The following CELF5 variants were observed in gnomAD, a reference collection of about 807,000 sequenced individuals.
The protein encoded by CELF5 is CUG-BP and ETR-3 like factor 5.
Under a neutral mutation model 54.9 loss-of-function variants are expected in CELF5, and 6 were observed. The ratio of observed to expected loss-of-function variants is 0.11; its 90% CI spans 0.06 to 0.22. The LOEUF (loss-of-function observed/expected upper bound fraction) is 0.22, where lower values mean the gene tolerates loss of function less well. CELF5 is among the 10% of genes least tolerant of loss of function. The pLI is 1.00. For missense variants in CELF5, 401 were observed against 678.6 expected, an observed-to-expected ratio of 0.59 and a Z score of 4.54; for synonymous variants, 271 against 290.9, an observed-to-expected ratio of 0.93 and a Z score of 0.70.
intron 2 of CELF5, among the ~76,000 whole-genome samples, chr19:3,266,356 C>G (rs1395648718): frequency 2.0e-5 from 3 of 151,612 alleles, no homozygotes; most frequent in African/African-American, 7.3e-5. Context: ...AGTCGAGTCT[C>G]ACCTCCTACC....
In CELF5 at chr19:3,268,864, G is replaced by T. The variant is rs543000161; in HGVS notation, c.343-5008G>T. 2.6e-5 allele frequency among the ~76,000 whole-genome samples: 4 copies of T among 152,172 alleles called. No individual in the cohort carries two copies. The highest frequency in any genetic ancestry group is 2.0e-4 in the Admixed American group (3 of 15,278). On this transcript the variant is annotated intron_variant, in intron 2 of 12. Transcript: ENST00000292672. This position sits in a 1 kb window ranked among gnomAD's most constrained non-coding sequence, Gnocchi z 4.4. Reference sequence around the variant, plus strand: ...GTTTGAGGGGTAAGGATGGGGTGCAGCGGGGGGGCATTCTGTCACCAGCCA... The same window carrying T: ...GTTTGAGGGGTAAGGATGGGGTGCATCGGGGGGGCATTCTGTCACCAGCCA...
intron 10 of CELF5, among the ~76,000 whole-genome samples, chr19:3,290,012 G>A (rs905583050): frequency 6.6e-6 from 1 of 152,058 alleles, no homozygotes; most frequent in African/African-American, 2.4e-5. Flanking sequence ...ATTTTGGTGC[G>A]GAGTAGCCCC....
intron 2 of CELF5, among the ~76,000 whole-genome samples, chr19:3,272,566 G>A (rs111412725): frequency 2.6e-5 from 4 of 152,270 alleles, no homozygotes; most frequent in Admixed American, 6.5e-5. Flanking sequence ...CATTCCAGAC[G>A]CCTTTCTGTG....
At chr19:3,243,215 AT>A (rs2079516822) in intron 1 of CELF5, among the ~76,000 whole-genome samples, 1 of 150,148 alleles carries the variant, frequency 6.7e-6, no homozygotes, top group African/African-American at 2.5e-5. Context: ...GTATTTGTGT[AT>A]GTGTGTGTTT....
Position 3,272,779 on chromosome 19 carries a change from G to A in CELF5, c.343-1093G>A, listed in dbSNP as rs574852807. On this transcript the variant is annotated intron_variant, in intron 2 of 12. Transcript: ENST00000292672. ...AGAGTCCCTGCATGGGGGCTTTTAA[G>A]TTGGGTTTTGAAGGTTGAGTGGGAG... 7.9e-5 allele frequency among the ~76,000 whole-genome samples: 12 copies of A among 152,328 alleles called. No homozygotes were observed. In the South Asian group the frequency reaches 1.2e-3, roughly 16 times the overall value.
In CELF5 at chr19:3,224,802, C is replaced by T. The variant is rs1424929840; in HGVS notation, c.63C>T (p.Pro21=). ...RQQQQLLQPR[P]SPVGSSGPEP... ...AGCAGCAGCTCCTGCAGCCGCGGCC[C>T]TCGCCCGTGGGCAGCAGCGGGCCCG... Residue 21 remains proline, a synonymous_variant, in exon 1 of 13, where the codon CCC becomes CCT. Coordinates refer to ENST00000292672, the MANE Select transcript of CELF5 (RefSeq NM_021938.4). The T allele has an allele frequency of 6.5e-7, 1 of 1,532,852 alleles. No individual in the cohort carries two copies. The highest frequency in any genetic ancestry group is 1.4e-5 in the African/African-American group (1 of 70,832). The allele number at this position is 1,532,852 out of a possible 1,614,324, so 95.0% of individuals were successfully genotyped here.
Position 3,278,237 on chromosome 19 carries a change from C to A in CELF5, c.603+127C>A. 1 of 701,570 alleles carries A rather than the reference C, an allele frequency of 1.4e-6. No homozygotes were observed. The highest frequency in any genetic ancestry group is 1.7e-5 in the South Asian group (1 of 57,428). 43.5% of individuals were successfully genotyped at this position (701,570 alleles called of 1,614,324 possible). A position where few individuals can be genotyped will look rare whatever the true frequency, so the allele number is the denominator to read the frequency against. On this transcript the variant is annotated intron_variant, in intron 5 of 12. Transcript: ENST00000292672. The surrounding 1 kb of genome is among the most constrained non-coding windows in gnomAD (Gnocchi z 4.5). ...GCCCCTGGCTGTCCTTCAGAGGGGG[C>A]ACAGGTGGAGAAAGAGGCGCAGTCC...
intron 2 of CELF5, among the ~76,000 whole-genome samples, chr19:3,271,234 G>GCC (rs112062802): frequency 3.5e-4 from 49 of 139,020 alleles, no homozygotes; most frequent in African/African-American, 1.0e-3. Flanking sequence ...TCCTGCAGGT[G>GCC]CCCCCCCATC....
intron 10 of CELF5, among the ~76,000 whole-genome samples, chr19:3,287,293 C>G (rs1413431989): frequency 6.6e-6 from 1 of 150,960 alleles, no homozygotes; most frequent in Non-Finnish European, 1.5e-5. Context: ...ATCGAGGTGG[C>G]TCATGCCTGT....
rs2080100874 is a variant in CELF5, at chr19:3,278,824, A to T, written c.603+714A>T. Among the ~76,000 whole-genome samples the T allele has an allele frequency of 6.6e-6, 1 of 151,972 alleles. No homozygotes were observed. The highest frequency in any genetic ancestry group is 1.5e-5 in the Non-Finnish European group (1 of 67,970). Reference sequence around the variant, plus strand: ...GTGAGTGTGTATGTGTGTACATGTAAGGGTATCCTAAGGGGATGACACCTG... The same window carrying T: ...GTGAGTGTGTATGTGTGTACATGTATGGGTATCCTAAGGGGATGACACCTG... On this transcript the variant is annotated intron_variant, in intron 5 of 12. Transcript: ENST00000292672. This position sits in a 1 kb window ranked among gnomAD's most constrained non-coding sequence, Gnocchi z 4.5.
At chr19:3,288,653 G>C (rs2080292727) in intron 10 of CELF5, among the ~76,000 whole-genome samples, 1 of 152,150 alleles carries the variant, frequency 6.6e-6, no homozygotes, top group African/African-American at 2.4e-5. Context: ...TTCAAGACCA[G>C]CCTGGGCAAC....
rs183894279 is a variant in CELF5 at position 3,290,606 on chromosome 19, C to G, written c.1330+232C>G. On this transcript the variant is annotated intron_variant, in intron 11 of 12. Transcript: ENST00000292672. ...TGAGACAGAGTCTCGCTCTGTCGCC[C>G]AGGCTGGAGTGCAGTGGTGCAATCT... is the stretch of plus-strand genomic sequence containing the variant. Among the ~76,000 whole-genome samples, 325 of 148,904 alleles carry G rather than the reference C, an allele frequency of 2.2e-3. 3 individuals carry two copies. Among genetic ancestry groups the G allele is most frequent in the Non-Finnish European group, 2.4e-3 (162 of 67,410 alleles).
chr19:3,237,412 T>C (rs1017334280), intron 1 of CELF5, among the ~76,000 whole-genome samples: 1 of 151,932 alleles, frequency 6.6e-6, no homozygotes, highest in Non-Finnish European at 1.5e-5. Flanking sequence ...GGTTACTCCT[T>C]GACCATATGC....
At chr19:3,289,681 C>CA (rs35144942) in intron 10 of CELF5, among the ~76,000 whole-genome samples, 3,722 of 46,924 alleles carry the variant, frequency 0.079, 923 homozygotes, top group Non-Finnish European at 0.083. Context: ...GACTCCATCT[C>CA]AAAAAAAAAA....
rs1916785825 is a variant in CELF5 at position 3,224,695 on chromosome 19, C to CCCGCCGCCCGCCG, written c.-36_-24dup. On this transcript the variant is annotated 5_prime_UTR_variant, in exon 1 of 13. Transcript: ENST00000292672. ...GGCCGCCGCTCCAGCTGCGAGTCCG[C>CCCGCCGCCCGCCG]CCGCCGCCCGCCGCCGCCGCCGCCG... is the stretch of plus-strand genomic sequence containing the variant. 1 of 997,914 alleles carries CCCGCCGCCCGCCG rather than the reference C, an allele frequency of 1.0e-6. No homozygotes were observed. Among genetic ancestry groups the CCCGCCGCCCGCCG allele is most frequent in the Admixed American group, 6.1e-5 (1 of 16,318 alleles). 61.8% of individuals were successfully genotyped at this position (997,914 alleles called of 1,614,324 possible).
At position 3,275,673 on chromosome 19, in the gene CELF5, G is replaced by A. The variant is rs1049712575; in HGVS notation, c.395-183G>A. Among the ~76,000 whole-genome samples, 1 of 132,872 alleles carries A rather than the reference G, an allele frequency of 7.5e-6. No individual in the cohort carries two copies. The highest frequency in any genetic ancestry group is 2.7e-5 in the African/African-American group (1 of 36,574). The allele number at this position is 132,872 out of a possible 152,430, so 87.2% of individuals were successfully genotyped here. A position where few individuals can be genotyped will look rare whatever the true frequency, so the allele number is the denominator to read the frequency against. On this transcript the variant is annotated intron_variant, in intron 3 of 12. Coordinates refer to ENST00000292672, the MANE Select transcript of CELF5 (RefSeq NM_021938.4). This position sits in a 1 kb window ranked among gnomAD's most constrained non-coding sequence, Gnocchi z 6.7. ...CGTGCAGGGCCCGTGGGAGGGTGGA[G>A]AGATCCGGGGCAGGGAAAGGGCGCG...
chr19:3,294,529 C>G (rs11666307), intron 12 of CELF5: 17,336 of 152,146 alleles, frequency 0.11, 1,087 homozygotes, highest in Middle Eastern at 0.15. Flanking sequence ...TCAGCACACA[C>G]AGATTTGGGA....
chr19:3,225,017 C>T lies in CELF5; in HGVS notation c.259+19C>T. On this transcript the variant is annotated intron_variant, in intron 1 of 12. Coordinates refer to ENST00000292672, the MANE Select transcript of CELF5 (RefSeq NM_021938.4). ...CACAAAGGTGGGCGCCCGGCCCCCT[C>T]CCCCCTCTCCCCCTCCCTCCGCCTC... 2 of 1,222,234 alleles carry T rather than the reference C, an allele frequency of 1.6e-6. No individual in the cohort carries two copies. Among genetic ancestry groups the T allele is most frequent in the African/African-American group, 1.7e-5 (1 of 58,334 alleles). 75.7% of individuals were successfully genotyped at this position (1,222,234 alleles called of 1,614,324 possible).
rs1443204787 is a variant in CELF5 at position 3,230,888 on chromosome 19, A to G, written c.259+5890A>G. Among the ~76,000 whole-genome samples the G allele has an allele frequency of 2.6e-5, 4 of 152,316 alleles. No individual in the cohort carries two copies. In the East Asian group the frequency reaches 7.7e-4, roughly 29 times the overall value. On this transcript the variant is annotated intron_variant, in intron 1 of 12. Coordinates refer to ENST00000292672, the MANE Select transcript of CELF5 (RefSeq NM_021938.4). Reference sequence around the variant, plus strand: ...TTAGAGAACCAAGTTCCCCTCCTCCATGTGAAGCACAGGAGGAGATCGGAG... The same window carrying G: ...TTAGAGAACCAAGTTCCCCTCCTCCGTGTGAAGCACAGGAGGAGATCGGAG...
Sources: allele counts gnomAD v4.1 joint callset (sites outside exome capture counted in the v4.1 genomes callset), GRCh38; gene constraint gnomAD v4.1.1; non-coding constraint Gnocchi (gnomAD v3.1); transcripts MANE v1.5; gene names NCBI Gene and HGNC (gene_info 2026-07-23, HGNC 2026-07-21).